PGGT1B: variants seen among roughly 807,000 people sequenced by gnomAD.
PGGT1B encodes the protein protein geranylgeranyltransferase type I subunit beta, also known as geranylgeranyl transferase type-1 subunit beta.
PGGT1B carries 30 observed loss-of-function variants against 46.1 expected under a neutral mutation model. The observed-to-expected ratio is 0.65, with a 90% CI of 0.49 to 0.88. The LOEUF (loss-of-function observed/expected upper bound fraction) is 0.88. Ranked by LOEUF, PGGT1B falls within the 40% of genes least tolerant of loss-of-function variation. The pLI is 0.00. For synonymous variants in PGGT1B, 170 were observed against 160.0 expected (o/e 1.06, Z -0.47); for missense variants, 376 against 455.9 (o/e 0.82, Z 1.60).
At chr5:115,214,674 T>A (rs546642555) in intron 8 of PGGT1B, among the ~76,000 whole-genome samples, 1 of 152,210 alleles carries the variant, frequency 6.6e-6, no homozygotes, top group African/African-American at 2.4e-5. Context: ...ACACAAATGT[T>A]AAAGTTAGCA....
At chr5:115,218,614 G>A (rs1172163254) in intron 7 of PGGT1B, among the ~76,000 whole-genome samples, 1 of 150,658 alleles carries the variant, frequency 6.6e-6, no homozygotes, top group Non-Finnish European at 1.5e-5. Context: ...GTATTTATCT[G>A]TCCTTCTCTG....
intron 2 of PGGT1B, among the ~76,000 whole-genome samples, chr5:115,245,035 T>A (rs1249225715): frequency 6.6e-6 from 1 of 152,200 alleles, no homozygotes; most frequent in East Asian, 1.9e-4. Context: ...TTAAAGGGTA[T>A]CCTTTCAAGT....
chr5:115,243,205 T>G (rs921834127), intron 2 of PGGT1B, among the ~76,000 whole-genome samples: 5 of 152,240 alleles, frequency 3.3e-5, no homozygotes, highest in African/African-American at 1.2e-4. Flanking sequence ...TCATAACCTT[T>G]TGACCTAGTC....
chr5:115,232,607 A>G (rs1308734509), intron 5 of PGGT1B, among the ~76,000 whole-genome samples: 1 of 152,060 alleles, frequency 6.6e-6, no homozygotes, highest in Non-Finnish European at 1.5e-5. Flanking sequence ...TGACAGGAAG[A>G]GTTTTCAAAG....
rs1554069090 is a variant in PGGT1B at position 115,207,186 on chromosome 5, T to TATATATATATATATATATAC, written c.*5215_*5216insGTATATATATATATATATAT. ...TTAGGTTTGCATATACATACATATA[T>TATATATATATATATATATAC]ATATATATATATATATATATAGTCT... On this transcript the variant is annotated 3_prime_UTR_variant, in exon 9 of 9. Transcript: ENST00000419445. 1 of 107,858 alleles carries TATATATATATATATATATAC rather than the reference T, an allele frequency of 9.3e-6. No homozygotes were observed. Among genetic ancestry groups the TATATATATATATATATATAC allele is most frequent in the Admixed American group, 9.4e-5 (1 of 10,652 alleles). 6.7% of individuals were successfully genotyped at this position (107,858 alleles called of 1,614,324 possible). A position where few individuals can be genotyped will look rare whatever the true frequency, so the allele number is the denominator to read the frequency against.
intron 6 of PGGT1B, among the ~76,000 whole-genome samples, chr5:115,222,789 T>C (rs950250154): frequency 5.9e-5 from 9 of 152,188 alleles, no homozygotes; most frequent in Non-Finnish European, 8.8e-5. Context: ...TATGTAGCCA[T>C]AAAAACGGAT....
At chr5:115,221,277 G>A (rs187281350) in intron 7 of PGGT1B, among the ~76,000 whole-genome samples, 40 of 152,062 alleles carry the variant, frequency 2.6e-4, no homozygotes, top group Admixed American at 2.3e-3. Context: ...TGTGTATTTA[G>A]TGACTAAATA....
chr5:115,214,405 T>C (rs868573948), intron 8 of PGGT1B, among the ~76,000 whole-genome samples: 4 of 152,178 alleles, frequency 2.6e-5, no homozygotes, highest in Non-Finnish European at 5.9e-5. Flanking sequence ...AATATATATT[T>C]ACTCCACAAT....
At chr5:115,236,275 T>G in intron 5 of PGGT1B, 115 bp downstream of exon 5, 2 of 753,792 alleles carry the variant, frequency 2.7e-6, no homozygotes, top group Non-Finnish European at 4.3e-6. Flanking sequence ...CAAAAAGCAA[T>G]CTTAATGCTC....
intron 5 of PGGT1B, among the ~76,000 whole-genome samples, chr5:115,234,590 A>T (rs1397189669): frequency 6.6e-6 from 1 of 152,076 alleles, no homozygotes; most frequent in African/African-American, 2.4e-5. Flanking sequence ...TGGTACTTCA[A>T]ACAGATAACA....
At chr5:115,216,056 T>C (rs1014948196) in intron 8 of PGGT1B, among the ~76,000 whole-genome samples, 1 of 152,200 alleles carries the variant, frequency 6.6e-6, no homozygotes, top group Non-Finnish European at 1.5e-5. Flanking sequence ...ATGCCATTTA[T>C]ATTGTCTGAA....
In PGGT1B at chr5:115,256,334, C is replaced by T. The variant is rs377071808; in HGVS notation, c.141-3079G>A. Among the ~76,000 whole-genome samples, 13 of 152,244 alleles carry T rather than the reference C, an allele frequency of 8.5e-5. No individual in the cohort carries two copies. The East Asian group carries it at 1.2e-3, about 14-fold the overall frequency. On this transcript the variant is annotated intron_variant, in intron 1 of 8. Transcript: ENST00000419445. ...TTAAGGTCATACTCTTATCTGTATA[C>T]GTTATCTGAATGATCTGTTTGTCAT... is the stretch of plus-strand genomic sequence containing the variant.
Position 115,212,449 on chromosome 5 carries a change from T to G in PGGT1B, c.1087A>C (p.Thr363Pro). Residue 363 changes from threonine (T) to proline (P), a missense_variant, in exon 9 of 9, where the codon ACC becomes CCC. This residue lies in a region of PGGT1B where 222 missense variants were observed against 313.6 expected (regional missense o/e 0.71). Transcript: ENST00000419445. ...RLLDLHQSWK[T>P]KDSKQCSENV... The stretch of plus-strand genomic sequence containing the variant: ...TCTGAGCATTGTTTAGAGTCCTTGG[T>G]TTTCCAGCTTTGATGGAGATCTAGA... The G allele has an allele frequency of 6.3e-7, 1 of 1,599,268 alleles. No homozygotes were observed. Among genetic ancestry groups the G allele is most frequent in the Non-Finnish European group, 8.5e-7 (1 of 1,170,794 alleles).
chr5:115,248,921 G>A (rs1267488403), intron 2 of PGGT1B, among the ~76,000 whole-genome samples: 1 of 152,052 alleles, frequency 6.6e-6, no homozygotes, highest in Non-Finnish European at 1.5e-5. Context: ...ATAATGTATT[G>A]CATTATTTCT....
chr5:115,233,513 A>G (rs958396444), intron 5 of PGGT1B, among the ~76,000 whole-genome samples: 1 of 150,308 alleles, frequency 6.7e-6, no homozygotes, highest in Admixed American at 6.7e-5. Flanking sequence ...AACAGACACT[A>G]AAATGGAATT....
chr5:115,211,177 C>T lies in PGGT1B; in HGVS notation c.*1225G>A, dbSNP rs944638271. The T allele has an allele frequency of 1.8e-4, 28 of 152,072 alleles. No homozygotes were observed. The highest frequency in any genetic ancestry group is 6.6e-4 in the Admixed American group (10 of 15,252). 9.4% of individuals were successfully genotyped at this position (152,072 alleles called of 1,614,324 possible). On this transcript the variant is annotated 3_prime_UTR_variant, in exon 9 of 9. Transcript: ENST00000419445. ...TTTCTTTCCCCATTTCAGTACTAGA[C>T]GCAATAGTTCTGAATGTCACTGAGC...
intron 6 of PGGT1B, among the ~76,000 whole-genome samples, chr5:115,222,299 A>C (rs1338111279): frequency 1.3e-5 from 2 of 152,190 alleles, no homozygotes; most frequent in African/African-American, 4.8e-5. Flanking sequence ...TTGGAACTAA[A>C]GTCCGGGACT....
At chr5:115,231,938 GA>G (rs1756997760) in intron 5 of PGGT1B, among the ~76,000 whole-genome samples, 1 of 151,988 alleles carries the variant, frequency 6.6e-6, no homozygotes, top group Non-Finnish European at 1.5e-5. Flanking sequence ...CGCGATCAGT[GA>G]TCAATCATAC....
At chr5:115,217,400 C>T (rs924632122) in intron 7 of PGGT1B, among the ~76,000 whole-genome samples, 7 of 151,944 alleles carry the variant, frequency 4.6e-5, no homozygotes, top group Non-Finnish European at 1.0e-4. Context: ...ACAAAAATTA[C>T]TAACCAGATG....
Sources: allele counts gnomAD v4.1 joint callset (sites outside exome capture counted in the v4.1 genomes callset), GRCh38; gene constraint gnomAD v4.1.1; regional missense constraint gnomAD v4.1.1; transcripts MANE v1.5; gene names NCBI Gene and HGNC (gene_info 2026-07-23, HGNC 2026-07-21).